Variants in CD109 observed in about 807,000 individuals in gnomAD.
CD109 encodes the protein CD109 molecule.
Under a neutral mutation model 165.8 loss-of-function variants are expected in CD109, and 149 were observed. That is an observed-to-expected ratio of 0.90 (90% CI 0.79 to 1.03). The LOEUF (loss-of-function observed/expected upper bound fraction) is 1.03, where lower values mean the gene tolerates loss of function less well. Among genes scored for constraint, CD109 ranks in the 50% least tolerant of loss-of-function variants. CD109 has a pLI of 0.00. For missense variants in CD109, 1,712 were observed against 1,677.8 expected (o/e 1.02, Z -0.36); for synonymous variants, 585 against 592.1 (o/e 0.99, Z 0.18).
chr6:73,784,363 G>A (rs1004886381), intron 19 of CD109, among the ~76,000 whole-genome samples: 2 of 152,172 alleles, frequency 1.3e-5, no homozygotes, highest in South Asian at 4.1e-4. Context: ...AAAATACAGT[G>A]TAGATTGAAA....
At chr6:73,813,784 T>C (rs1431832597) in intron 29 of CD109, among the ~76,000 whole-genome samples, 2 of 152,060 alleles carry the variant, frequency 1.3e-5, no homozygotes, top group African/African-American at 4.8e-5. Flanking sequence ...TAATACTTAG[T>C]TATGGATGGG....
intron 24 of CD109, chr6:73,803,946 T>C (rs1027507554): frequency 5.9e-5 from 9 of 152,290 alleles, no homozygotes; most frequent in African/African-American, 2.2e-4. Context: ...TTGTTCATGC[T>C]GCCTTTCCAT....
At chr6:73,755,797 T>TAA (rs10718476) in intron 5 of CD109, among the ~76,000 whole-genome samples, 10 of 145,780 alleles carry the variant, frequency 6.9e-5, no homozygotes, top group African/African-American at 2.3e-4. Flanking sequence ...CTGTTCTACT[T>TAA]AAAAAAAAAA....
intron 31 of CD109, among the ~76,000 whole-genome samples, chr6:73,819,521 T>G (rs564526075): frequency 6.6e-6 from 1 of 152,352 alleles, no homozygotes; most frequent in South Asian, 2.1e-4. Flanking sequence ...GGTTTGTATG[T>G]TTCTTATTTC....
chr6:73,738,778 T>C (rs1340836436), intron 5 of CD109, among the ~76,000 whole-genome samples: 1 of 152,238 alleles, frequency 6.6e-6, no homozygotes, highest in Admixed American at 6.5e-5. Flanking sequence ...CTTATGTCCC[T>C]TAAGTTTCTT....
intron 5 of CD109, among the ~76,000 whole-genome samples, chr6:73,737,784 C>T (rs962443331): frequency 2.6e-5 from 4 of 152,064 alleles, no homozygotes; most frequent in Admixed American, 6.6e-5. Flanking sequence ...TGGAAGAGAA[C>T]GTTATGTGTC....
intron 2 of CD109, among the ~76,000 whole-genome samples, chr6:73,722,282 T>C (rs1270291074): frequency 3.3e-5 from 5 of 152,212 alleles, no homozygotes; most frequent in Admixed American, 2.0e-4. Flanking sequence ...TTCTATATGC[T>C]TTACAGGTAT....
intron 31 of CD109, 34 bp from the exon 32 acceptor site, chr6:73,820,427 G>A (rs758015845): frequency 8.2e-7 from 1 of 1,217,450 alleles, no homozygotes; most frequent in South Asian, 1.3e-5. Flanking sequence ...CACACAGTGT[G>A]CCAACCCCTT....
rs71542232 is a variant in CD109, at chr6:73,802,305, A to ATT, written c.2879-893_2879-892dup. The stretch of plus-strand genomic sequence containing the variant: ...TGTGTGTGTGTATATATATATATAT[A>ATT]TTTTTTTTTTTTTTTTTTTTTTTAG... On this transcript the variant is annotated intron_variant, in intron 23 of 32. Coordinates refer to ENST00000287097, the MANE Select transcript of CD109 (RefSeq NM_133493.5). Among the ~76,000 whole-genome samples the ATT allele has an allele frequency of 4.4e-3, 207 of 47,578 alleles. 7 individuals carry two copies. Among genetic ancestry groups the ATT allele is most frequent in the African/African-American group, 9.9e-3 (116 of 11,710 alleles). The allele number at this position is 47,578 out of a possible 152,430, so 31.2% of individuals were successfully genotyped here. A position where few individuals can be genotyped will look rare whatever the true frequency, so the allele number is the denominator to read the frequency against.
intron 5 of CD109, among the ~76,000 whole-genome samples, chr6:73,756,109 T>A (rs2150214049): frequency 6.6e-6 from 1 of 152,318 alleles, no homozygotes; most frequent in Non-Finnish European, 1.5e-5. Context: ...ATGTATTGAT[T>A]TAAGAATTAC....
chr6:73,795,889 G>A (rs890233486), intron 23 of CD109, among the ~76,000 whole-genome samples: 4 of 152,096 alleles, frequency 2.6e-5, no homozygotes, highest in African/African-American at 4.8e-5. Context: ...AAGAACCCAC[G>A]TGGTAGGGTT....
At chr6:73,758,252 G>A (rs902055193) in intron 6 of CD109, among the ~76,000 whole-genome samples, 1 of 151,920 alleles carries the variant, frequency 6.6e-6, no homozygotes, top group African/African-American at 2.4e-5. Context: ...TGTTATGAGA[G>A]TGGCCTGTTT....
At chr6:73,685,104 G>A in the CD109 span, among the ~76,000 whole-genome samples, 1 of 151,728 alleles carries the variant, frequency 6.6e-6, no homozygotes, top group African/African-American at 2.4e-5. Flanking sequence ...GGGTTTCACT[G>A]TGTTGGCCAG....
At chr6:73,813,008 A>C (rs889781848) in intron 29 of CD109, among the ~76,000 whole-genome samples, 1 of 152,166 alleles carries the variant, frequency 6.6e-6, no homozygotes, top group Non-Finnish European at 1.5e-5. Flanking sequence ...AAAAACCAGA[A>C]CAACCATTCT....
At chr6:73,823,434 A>G (rs1562091742) in intron 32 of CD109, 24 bp from the exon 33 acceptor site, 2 of 1,583,286 alleles carry the variant, frequency 1.3e-6, no homozygotes, top group East Asian at 2.3e-5. Flanking sequence ...AGCCGTGTGA[A>G]CTGATGTCTG....
At chr6:73,729,897 TTAGGAGAA>T (rs2150179128) in intron 3 of CD109, among the ~76,000 whole-genome samples, 1 of 152,228 alleles carries the variant, frequency 6.6e-6, no homozygotes, top group African/African-American at 2.4e-5. Flanking sequence ...GCAAGATGCA[TTAGGAGAA>T]TGCATCTCAG....
At chr6:73,700,248 TA>T (rs1307088408) in intron 2 of CD109, among the ~76,000 whole-genome samples, 9 of 107,868 alleles carry the variant, frequency 8.3e-5, no homozygotes, top group South Asian at 3.7e-4. Context: ...ATGCTAGGTT[TA>T]AAATTTTTTT....
chr6:73,781,672 A>C (rs201585939), intron 17 of CD109, among the ~76,000 whole-genome samples: 1 of 57,504 alleles, frequency 1.7e-5, no homozygotes, highest in South Asian at 4.0e-4. Context: ...ATATTTTTGA[A>C]ATATTTTTGT....
At chr6:73,679,281 A>G in the CD109 span, among the ~76,000 whole-genome samples, 1 of 152,196 alleles carries the variant, frequency 6.6e-6, no homozygotes, top group East Asian at 1.9e-4. Flanking sequence ...AGGCAAGTCC[A>G]GCCAGGATGG....
Sources: gnomAD v4.1 joint callset for allele counts (sites outside exome capture counted in the v4.1 genomes callset) on GRCh38, gnomAD v4.1.1 for gene constraint, MANE v1.5 for transcripts, NCBI Gene and HGNC (gene_info 2026-07-23, HGNC 2026-07-21) for gene names.